Variants in FKBP9 observed in about 807,000 individuals in gnomAD.
FKBP9 encodes the protein FKBP prolyl isomerase 9, also known as peptidyl-prolyl cis-trans isomerase FKBP9.
Under a neutral mutation model 55.6 loss-of-function variants are expected in FKBP9, and 27 were observed. That is an observed-to-expected ratio of 0.49 (90% CI 0.36 to 0.67). The LOEUF (loss-of-function observed/expected upper bound fraction) is 0.67, where lower values mean the gene tolerates loss of function less well. Ranked by LOEUF, FKBP9 falls within the 30% of genes least tolerant of loss-of-function variation. The probability of loss-of-function intolerance (pLI) is 0.00; values close to 1 mark genes in which losing one functional copy is unlikely to be tolerated. For synonymous variants in FKBP9, 267 were observed against 296.5 expected (o/e 0.90, Z 1.02); for missense variants, 539 against 742.8 (o/e 0.73, Z 3.19).
At chr7:32,987,660 G>A (rs1784604133) in intron 5 of FKBP9, among the ~76,000 whole-genome samples, 1 of 152,070 alleles carries the variant, frequency 6.6e-6, no homozygotes, top group South Asian at 2.1e-4. Flanking sequence ...TCAAGACAGG[G>A]TCTCATTCTG....
chr7:32,980,353 T>G lies in FKBP9; in HGVS notation c.704-11T>G. On this transcript the variant is annotated splice_polypyrimidine_tract_variant and intron_variant, in intron 4 of 9. Coordinates refer to ENST00000242209, the MANE Select transcript of FKBP9 (RefSeq NM_007270.5). Reference sequence around the variant, plus strand: ...TGTCCCGTTTAATCATCTTCTCCCATTCCATTCTAGGGAAAGACATTCCCG... The same window carrying G: ...TGTCCCGTTTAATCATCTTCTCCCAGTCCATTCTAGGGAAAGACATTCCCG... 6.2e-7 allele frequency: 1 copy of G among 1,605,436 alleles called. No homozygotes were observed. Among genetic ancestry groups the G allele is most frequent in the Non-Finnish European group, 8.5e-7 (1 of 1,173,324 alleles).
At chr7:32,966,985 G>A (rs1406418037) in intron 1 of FKBP9, among the ~76,000 whole-genome samples, 2 of 152,130 alleles carry the variant, frequency 1.3e-5, no homozygotes, top group Non-Finnish European at 2.9e-5. Flanking sequence ...GGCATCAGAT[G>A]TTCAAAGCGA....
At chr7:33,002,933 G>A in intron 9 of FKBP9, 94 bp downstream of exon 9, 1 of 1,295,808 alleles carries the variant, frequency 7.7e-7, no homozygotes, top group Non-Finnish European at 1.1e-6. Flanking sequence ...GACTTCTAAG[G>A]GTGAGGCCAG....
chr7:33,005,068 A>C, intron 9 of FKBP9, 107 bp from the exon 10 acceptor site: 5 of 1,489,608 alleles, frequency 3.4e-6, no homozygotes, highest in Non-Finnish European at 4.5e-6. Flanking sequence ...TTGGTAGCCC[A>C]GACTCAAGTT....
At chr7:32,960,498 T>C (rs960007566) in intron 1 of FKBP9, among the ~76,000 whole-genome samples, 1 of 152,206 alleles carries the variant, frequency 6.6e-6, no homozygotes, top group African/African-American at 2.4e-5. Context: ...TGGCTAACGA[T>C]GTTGAGCATC....
At chr7:32,983,113 T>C (rs556872160) in intron 5 of FKBP9, among the ~76,000 whole-genome samples, 47 of 152,088 alleles carry the variant, frequency 3.1e-4, no homozygotes, top group Admixed American at 9.8e-4. Context: ...AACCTCCGTC[T>C]CGTGGGTTCA....
rs148386030 is a variant in FKBP9, at chr7:32,976,551, C to T, written c.703+52C>T. Reference sequence around the variant, plus strand: ...CTCTTTCCTACCCTTATTTTTATTGCAGTGGTTAATTCAGTTGTCACCACA... The same window carrying T: ...CTCTTTCCTACCCTTATTTTTATTGTAGTGGTTAATTCAGTTGTCACCACA... On this transcript the variant is annotated intron_variant, in intron 4 of 9. Transcript: ENST00000242209. 541 of 1,548,998 alleles carry T rather than the reference C, an allele frequency of 3.5e-4. 2 individuals carry two copies. In the African/African-American group the frequency reaches 6.5e-3, roughly 18 times the overall value.
At chr7:32,973,017 T>C (rs1784282149) in intron 1 of FKBP9, among the ~76,000 whole-genome samples, 1 of 152,218 alleles carries the variant, frequency 6.6e-6, no homozygotes, top group Non-Finnish European at 1.5e-5. Context: ...CCACCACGCC[T>C]GGCATTGTAA....
intron 7 of FKBP9, 28 bp from the exon 8 acceptor site, chr7:33,000,087 A>C (rs1252844454): frequency 6.2e-7 from 1 of 1,614,122 alleles, no homozygotes; most frequent in East Asian, 2.2e-5. Flanking sequence ...TTGGTGACCT[A>C]ACATGAGGCT....
Position 32,979,600 on chromosome 7 carries a change from G to C in FKBP9, c.704-764G>C, listed in dbSNP as rs1401866340. The C allele has an allele frequency of 2.6e-6, 4 of 1,523,370 alleles. No individual in the cohort carries two copies. In the East Asian group the frequency reaches 9.8e-5, roughly 37 times the overall value. 94.4% of individuals were successfully genotyped at this position (1,523,370 alleles called of 1,614,324 possible). Reference sequence around the variant, plus strand: ...AAATGGCAGGTAAAACTGAGGGATTGGTTTGTTGGTTAACTTTCTACTATC... The same window carrying C: ...AAATGGCAGGTAAAACTGAGGGATTCGTTTGTTGGTTAACTTTCTACTATC... On this transcript the variant is annotated intron_variant, in intron 4 of 9. Coordinates refer to ENST00000242209, the MANE Select transcript of FKBP9 (RefSeq NM_007270.5).
chr7:32,964,009 A>T (rs1273130518), intron 1 of FKBP9, among the ~76,000 whole-genome samples: 1 of 152,244 alleles, frequency 6.6e-6, no homozygotes, highest in Non-Finnish European at 1.5e-5. Context: ...GGATGCAGTC[A>T]GGGGGGCCTG....
rs201487757 is a variant in FKBP9 at position 32,975,348 on chromosome 7, G to A, written c.534G>A (p.Leu178=). Residue 178 remains leucine, a synonymous_variant, in exon 3 of 10, where the codon CTG becomes CTA. Coordinates refer to ENST00000242209, the MANE Select transcript of FKBP9 (RefSeq NM_007270.5). The stretch of plus-strand genomic sequence containing the variant: ...GGTACCACTACAACGGGACGTTCCT[G>A]GACGGAACTCTGTTTGATTCGAGGT... ...FVRYHYNGTF[L]DGTLFDSSHN... is the part of the protein sequence containing the mutation. The A allele has an allele frequency of 1.5e-5, 24 of 1,613,786 alleles. No individual in the cohort carries two copies. The highest frequency in any genetic ancestry group is 2.0e-5 in the Non-Finnish European group (24 of 1,179,812).
chr7:32,977,923 A>AC (rs1784398258), intron 4 of FKBP9, among the ~76,000 whole-genome samples: 2 of 134,702 alleles, frequency 1.5e-5, no homozygotes, highest in African/African-American at 6.0e-5. Flanking sequence ...ATATATATAC[A>AC]CTTTTTTTTT....
chr7:33,001,457 C>T (rs1318876407), intron 8 of FKBP9, among the ~76,000 whole-genome samples: 3 of 151,972 alleles, frequency 2.0e-5, no homozygotes, highest in African/African-American at 7.3e-5. Context: ...ATCGTGTGAA[C>T]CCAGGAGGTG....
At chr7:32,996,433 C>G in intron 7 of FKBP9, 84 bp downstream of exon 7, 1 of 820,584 alleles carries the variant, frequency 1.2e-6, no homozygotes, top group South Asian at 1.7e-5. Flanking sequence ...TGGGTAGATG[C>G]TGGTTGAGAG....
At chr7:32,977,870 CAT>C (rs748298046) in intron 4 of FKBP9, among the ~76,000 whole-genome samples, 3 of 124,660 alleles carry the variant, frequency 2.4e-5, no homozygotes, top group Non-Finnish European at 3.2e-5. Context: ...TATACATGCC[CAT>C]ATATATATAT....
At chr7:33,004,972 GCACAAGGGTTTTT>G (rs1276315477) in intron 9 of FKBP9, among the ~76,000 whole-genome samples, 190 bp from the exon 10 acceptor site, 1 of 151,998 alleles carries the variant, frequency 6.6e-6, no homozygotes, top group African/African-American at 2.4e-5. Flanking sequence ...GAGTCATTTA[GCACAAGGGTTTTT>G]CACCTGCATT....
intron 5 of FKBP9, among the ~76,000 whole-genome samples, chr7:32,988,005 C>T (rs1370969645): frequency 7.1e-6 from 1 of 141,016 alleles, no homozygotes; most frequent in Admixed American, 7.0e-5. Flanking sequence ...ATAGTGGGAC[C>T]CCATCTCTAC....
intron 1 of FKBP9, among the ~76,000 whole-genome samples, chr7:32,971,689 C>T (rs1172185634): frequency 1.3e-5 from 2 of 152,094 alleles, no homozygotes; most frequent in African/African-American, 4.8e-5. Context: ...ACAATGTTGC[C>T]CAAGCTGGGC....
Sources: gnomAD v4.1 joint callset for allele counts (sites outside exome capture counted in the v4.1 genomes callset) on GRCh38, gnomAD v4.1.1 for gene constraint, MANE v1.5 for transcripts, NCBI Gene and HGNC (gene_info 2026-07-23, HGNC 2026-07-21) for gene names.